The following HDGFL2 variants were observed in gnomAD, a reference collection of about 807,000 sequenced individuals.
HDGFL2 encodes the protein hepatoma-derived growth factor-related protein 2.
Under a neutral mutation model 77.1 loss-of-function variants are expected in HDGFL2, and 36 were observed. The observed-to-expected ratio is 0.47, with a 90% confidence interval of 0.36 to 0.62. The LOEUF (loss-of-function observed/expected upper bound fraction) is 0.62, where lower values mean the gene tolerates loss of function less well. Among genes scored for constraint, HDGFL2 ranks in the 20% least tolerant of loss-of-function variants. The pLI, the probability that HDGFL2 is intolerant of heterozygous loss-of-function variation, is 0.00. For synonymous variants in HDGFL2, 463 were observed against 413.1 expected (o/e 1.12, Z -1.46); for missense variants, 976 against 973.4 (o/e 1.00, Z -0.04).
chr19:4,491,519 G>A, intron 4 of HDGFL2, 47 bp from the exon 5 acceptor site: 1 of 1,555,616 alleles, frequency 6.4e-7, no homozygotes, highest in Non-Finnish European at 8.9e-7. Context: ...TTCCTGCCAG[G>A]AGCCCGGCCT....
chr19:4,479,681 G>T (rs1415767156), intron 3 of HDGFL2, among the ~76,000 whole-genome samples: 7 of 151,808 alleles, frequency 4.6e-5, no homozygotes, highest in Admixed American at 1.3e-4. Context: ...GGCCAAGAGG[G>T]TGGGTCACCT....
chr19:4,484,796 C>T (rs751901979), intron 3 of HDGFL2, among the ~76,000 whole-genome samples: 1 of 150,088 alleles, frequency 6.7e-6, no homozygotes, highest in African/African-American at 2.5e-5. Context: ...CTCAGCCTCC[C>T]GAGTTGCTGG....
chr19:4,501,338 G>C, intron 15 of HDGFL2, 21 bp downstream of exon 15: 1 of 1,567,994 alleles, frequency 6.4e-7, no homozygotes, highest in Non-Finnish European at 8.7e-7. Context: ...CGGGCCGTGG[G>C]GTTTGGACTC....
intron 9 of HDGFL2, 73 bp downstream of exon 9, chr19:4,494,548 A>C: frequency 8.8e-7 from 1 of 1,141,102 alleles, no homozygotes; most frequent in Non-Finnish European, 1.1e-6. Context: ...GGTAGGAGGC[A>C]GTATCCCAGG....
In HDGFL2 at chr19:4,488,648, C is replaced by T. The variant is rs184524669; in HGVS notation, c.289-28C>T. On this transcript the variant is annotated intron_variant, in intron 3 of 15. Transcript: ENST00000616600. Reference sequence around the variant, plus strand: ...GAAATCCACCCACGACTGGTGGTGACGCGCGTTCTCTGCCCCGACTCCCAC... The same window carrying T: ...GAAATCCACCCACGACTGGTGGTGATGCGCGTTCTCTGCCCCGACTCCCAC... The T allele has an allele frequency of 3.7e-4, 562 of 1,530,610 alleles. 3 individuals carry two copies. In the African/African-American group the frequency reaches 5.7e-3, roughly 16 times the overall value. 94.8% of individuals were successfully genotyped at this position (1,530,610 alleles called of 1,614,324 possible).
chr19:4,496,586 T>C (rs1403629664), intron 10 of HDGFL2, among the ~76,000 whole-genome samples, 181 bp downstream of exon 10: 2 of 152,158 alleles, frequency 1.3e-5, no homozygotes, highest in African/African-American at 4.8e-5. Flanking sequence ...GAGTGGGATC[T>C]TTGCCCAGCC....
In HDGFL2 at chr19:4,488,758, G is replaced by A; in HGVS notation, c.371G>A (p.Gly124Glu). ...GCTGACGAGGACGATGAGGACCGGG[G>A]GGTCATGGCCGTCACAGCGGTAACC... is the stretch of plus-strand genomic sequence containing the variant. The part of the protein sequence containing the change: ...SDADEDDEDR[G>E]VMAVTAVTAT... The change falls in exon 4 of 16, where the codon GGG becomes GAG. Residue 124 changes from glycine (G) to glutamate (E), a missense_variant. This residue lies in a region of HDGFL2 where 567 missense variants were observed against 534.7 expected (regional missense o/e 1.06). Coordinates refer to ENST00000616600, the MANE Select transcript of HDGFL2 (RefSeq NM_001001520.3). The A allele has an allele frequency of 6.4e-7, 1 of 1,553,210 alleles. No individual in the cohort carries two copies. Among genetic ancestry groups the A allele is most frequent in the Non-Finnish European group, 8.7e-7 (1 of 1,147,938 alleles).
intron 4 of HDGFL2, 98 bp from the exon 5 acceptor site, chr19:4,491,468 A>C: frequency 2.0e-6 from 2 of 991,062 alleles, no homozygotes; most frequent in Non-Finnish European, 3.1e-6. Flanking sequence ...GAGAGGTTCC[A>C]GAGCTCAGCT....
At chr19:4,499,293 C>T (rs1975790415) in intron 13 of HDGFL2, among the ~76,000 whole-genome samples, 198 bp from the exon 14 acceptor site, 1 of 152,052 alleles carries the variant, frequency 6.6e-6, no homozygotes, top group Non-Finnish European at 1.5e-5. Flanking sequence ...TTGCAGTGAG[C>T]CGAGATCGCG....
At chr19:4,497,589 C>T in intron 10 of HDGFL2, 1 of 334,274 alleles carries the variant, frequency 3.0e-6, no homozygotes, top group Non-Finnish European at 5.6e-6. Flanking sequence ...CAGAGCAGCA[C>T]ATGGCACCGA....
At chr19:4,474,998 T>C (rs890015498) in intron 1 of HDGFL2, 2 of 417,658 alleles carry the variant, frequency 4.8e-6, no homozygotes, top group African/African-American at 4.1e-5. Flanking sequence ...CACCCCCTGG[T>C]TGCTTCAGAG....
In HDGFL2 at chr19:4,498,927, G is replaced by A. The variant is rs766908918; in HGVS notation, c.1575+12G>A. On this transcript the variant is annotated intron_variant, in intron 13 of 15. Transcript: ENST00000616600. Reference sequence around the variant, plus strand: ...CCACCTTGAAGAAGGTATGGCGGGGGAATCAGAGGCGCAGGGTGCAGTCGG... The same window carrying A: ...CCACCTTGAAGAAGGTATGGCGGGGAAATCAGAGGCGCAGGGTGCAGTCGG... 5.7e-6 allele frequency: 9 copies of A among 1,574,920 alleles called. No individual in the cohort carries two copies. Among genetic ancestry groups the A allele is most frequent in the Admixed American group, 1.7e-5 (1 of 57,362 alleles).
intron 2 of HDGFL2, 36 bp from the exon 3 acceptor site, chr19:4,475,409 A>G (rs745826074): frequency 6.2e-7 from 1 of 1,612,822 alleles, no homozygotes; most frequent in South Asian, 1.1e-5. Context: ...GGGTGGCCTC[A>G]CTCACCTGGG....
intron 3 of HDGFL2, among the ~76,000 whole-genome samples, chr19:4,476,775 G>A (rs921108059): frequency 1.3e-5 from 2 of 152,028 alleles, no homozygotes; most frequent in Admixed American, 6.6e-5. Flanking sequence ...GGCAGTGGAA[G>A]GATGGGAGAA....
Position 4,493,745 on chromosome 19 carries a change from G to C in HDGFL2, c.721G>C (p.Asp241His). 1 of 1,527,980 alleles carries C rather than the reference G, an allele frequency of 6.5e-7. No homozygotes were observed. The allele number at this position is 1,527,980 out of a possible 1,614,324, so 94.7% of individuals were successfully genotyped here. ...CGACTCCGACTCCAAGGCCGATTCG[G>C]ACGGGGCCAAGCCTGAGCCGGTGGC... ...ASDSDSKADS[D>H]GAKPEPVAMA... Residue 241 changes from aspartate to histidine, a missense_variant, in exon 7 of 16, where the codon GAC becomes CAC. Physicochemically the swap from Asp to His is moderately conservative, Grantham distance 81. This residue lies in a region of HDGFL2 where 567 missense variants were observed against 534.7 expected (regional missense o/e 1.06). Transcript: ENST00000616600.
Position 4,501,328 on chromosome 19 carries a change from C to A in HDGFL2, c.1916+11C>A. 6.3e-7 allele frequency: 1 copy of A among 1,581,800 alleles called. No homozygotes were observed. The highest frequency in any genetic ancestry group is 1.3e-5 in the African/African-American group (1 of 74,400). The stretch of plus-strand genomic sequence containing the variant: ...TGAAGACCTGCACGAGTGAGTGTCC[C>A]GGGCCGTGGGGTTTGGACTCCTGAG... On this transcript the variant is annotated intron_variant, in intron 15 of 15. Coordinates refer to ENST00000616600, the MANE Select transcript of HDGFL2 (RefSeq NM_001001520.3).
chr19:4,482,860 C>A (rs1975254898), intron 3 of HDGFL2, among the ~76,000 whole-genome samples: 1 of 151,998 alleles, frequency 6.6e-6, no homozygotes, highest in African/African-American at 2.4e-5. Flanking sequence ...GGGTTCGTGG[C>A]ACTCACCAGC....
intron 4 of HDGFL2, 86 bp downstream of exon 4, chr19:4,488,962 T>C (rs1381530721): frequency 1.8e-6 from 2 of 1,100,172 alleles, no homozygotes; most frequent in Admixed American, 2.6e-5. Context: ...CTTTTTTTTT[T>C]TTTTTTTTTG....
chr19:4,487,261 C>T lies in HDGFL2; in HGVS notation c.289-1415C>T, dbSNP rs554246353. Among the ~76,000 whole-genome samples, 53 of 150,784 alleles carry T rather than the reference C, an allele frequency of 3.5e-4. No individual in the cohort carries two copies. In the South Asian group the frequency reaches 8.9e-3, roughly 25 times the overall value. Reference sequence around the variant, plus strand: ...AATGACAGGCGTGAGCCACCGCACCCGGGTTCTCTCTTACAAACGGGGTCT... The same window carrying T: ...AATGACAGGCGTGAGCCACCGCACCTGGGTTCTCTCTTACAAACGGGGTCT... On this transcript the variant is annotated intron_variant, in intron 3 of 15. Transcript: ENST00000616600.
Sources: allele counts gnomAD v4.1 joint callset (sites outside exome capture counted in the v4.1 genomes callset), GRCh38; gene constraint gnomAD v4.1.1; regional missense constraint gnomAD v4.1.1; transcripts MANE v1.5; gene names NCBI Gene and HGNC (gene_info 2026-07-23, HGNC 2026-07-21).